PLCL1: variants seen among roughly 807,000 people sequenced by gnomAD.
PLCL1 encodes inactive phospholipase C-like protein 1.
PLCL1 carries 41 observed loss-of-function variants against 84.4 expected under a neutral mutation model. The ratio of observed to expected loss-of-function variants is 0.49; its 90% CI spans 0.38 to 0.63. The LOEUF (loss-of-function observed/expected upper bound fraction) is 0.63. Among genes scored for constraint, PLCL1 ranks in the 30% least tolerant of loss-of-function variants. The pLI is 0.00. For missense variants in PLCL1, 1,206 were observed against 1,367.8 expected (o/e 0.88, Z 1.87); for synonymous variants, 490 against 488.3 (o/e 1.00, Z -0.05).
At chr2:197,943,439 G>A (rs1689202692) in intron 1 of PLCL1, among the ~76,000 whole-genome samples, 1 of 151,874 alleles carries the variant, frequency 6.6e-6, no homozygotes, top group South Asian at 2.1e-4. Context: ...TTTGCTAGAA[G>A]AATCACTTCG....
chr2:198,047,701 A>T (rs1302468882), intron 1 of PLCL1, among the ~76,000 whole-genome samples: 1 of 152,236 alleles, frequency 6.6e-6, no homozygotes, highest in African/African-American at 2.4e-5. Context: ...GGGGCACTAG[A>T]AGCAATTATA....
At chr2:198,127,785 G>A (rs1694023257) in intron 5 of PLCL1, among the ~76,000 whole-genome samples, 1 of 152,142 alleles carries the variant, frequency 6.6e-6, no homozygotes, top group African/African-American at 2.4e-5. Flanking sequence ...GATCATTGGA[G>A]CACAAGCTTT....
intron 5 of PLCL1, among the ~76,000 whole-genome samples, chr2:198,130,575 AG>A (rs1012539313): frequency 2.0e-5 from 3 of 152,208 alleles, no homozygotes; most frequent in African/African-American, 7.2e-5. Context: ...ACTCAGCCAC[AG>A]CAAGGTCGGC....
At chr2:197,882,501 C>T (rs1687847280) in intron 1 of PLCL1, among the ~76,000 whole-genome samples, 1 of 151,982 alleles carries the variant, frequency 6.6e-6, no homozygotes, top group African/African-American at 2.4e-5. Flanking sequence ...GTCTCTTTTC[C>T]TTCTTTCTTT....
chr2:197,892,245 T>C (rs1688044622), intron 1 of PLCL1, among the ~76,000 whole-genome samples: 1 of 151,980 alleles, frequency 6.6e-6, no homozygotes, highest in Admixed American at 6.6e-5. Flanking sequence ...GGTAAGGGAA[T>C]AGGTGGAGAG....
At chr2:198,116,008 TA>T (rs1436491235) in intron 5 of PLCL1, among the ~76,000 whole-genome samples, 1 of 147,934 alleles carries the variant, frequency 6.8e-6, no homozygotes, top group Admixed American at 6.8e-5. Context: ...TAGATACATA[TA>T]AATATATAAA....
intron 1 of PLCL1, among the ~76,000 whole-genome samples, chr2:198,014,731 T>C (rs1191848593): frequency 6.6e-6 from 1 of 152,128 alleles, no homozygotes; most frequent in Non-Finnish European, 1.5e-5. Context: ...GATTCATGGC[T>C]CGGTTCAAGT....
At chr2:198,065,983 T>C in intron 1 of PLCL1, among the ~76,000 whole-genome samples, 1 of 152,206 alleles carries the variant, frequency 6.6e-6, no homozygotes. Context: ...GTCAAATTCC[T>C]AATTATACCA....
intron 1 of PLCL1, among the ~76,000 whole-genome samples, chr2:197,875,005 G>T (rs1240182379): frequency 6.6e-6 from 1 of 152,084 alleles, no homozygotes; most frequent in African/African-American, 2.4e-5. Flanking sequence ...ATATACTCAG[G>T]CCAGGAGCAA....
chr2:197,884,634 T>G (rs536991162), intron 1 of PLCL1, among the ~76,000 whole-genome samples: 33 of 152,316 alleles, frequency 2.2e-4, no homozygotes, highest in African/African-American at 7.9e-4. Context: ...GATAGATAGC[T>G]CACTCTGAAA....
At chr2:197,871,212 GC>G (rs1323987232) in intron 1 of PLCL1, among the ~76,000 whole-genome samples, 2 of 152,030 alleles carry the variant, frequency 1.3e-5, no homozygotes, top group Non-Finnish European at 2.9e-5. Context: ...GATGTGAGGG[GC>G]CTGTACAGTT....
intron 1 of PLCL1, among the ~76,000 whole-genome samples, chr2:197,904,387 T>C (rs1688335315): frequency 6.6e-6 from 1 of 152,224 alleles, no homozygotes. Flanking sequence ...TTTGCAGGGT[T>C]TAAAAAGTCG....
At chr2:198,116,038 A>C (rs1189245372) in intron 5 of PLCL1, among the ~76,000 whole-genome samples, 2 of 148,846 alleles carry the variant, frequency 1.3e-5, no homozygotes, top group East Asian at 3.9e-4. Flanking sequence ...TATATATAAA[A>C]TGTTATGTGT....
At chr2:197,897,917 T>G (rs1241132996) in intron 1 of PLCL1, among the ~76,000 whole-genome samples, 1 of 152,232 alleles carries the variant, frequency 6.6e-6, no homozygotes, top group Admixed American at 6.5e-5. Context: ...CTAGTTTACC[T>G]GAAATCCCAT....
chr2:197,873,018 T>C (rs1687674379), intron 1 of PLCL1, among the ~76,000 whole-genome samples: 1 of 152,146 alleles, frequency 6.6e-6, no homozygotes, highest in Non-Finnish European at 1.5e-5. Flanking sequence ...AAGTATCTTG[T>C]TCAAAGTTTG....
At chr2:197,859,679 T>G (rs1687392845) in intron 1 of PLCL1, among the ~76,000 whole-genome samples, 1 of 152,174 alleles carries the variant, frequency 6.6e-6, no homozygotes, top group African/African-American at 2.4e-5. Context: ...TATGATTAGA[T>G]ACACAAATAC....
intron 5 of PLCL1, among the ~76,000 whole-genome samples, chr2:198,110,210 T>C (rs1185803608): frequency 6.6e-6 from 1 of 151,934 alleles, no homozygotes; most frequent in Non-Finnish European, 1.5e-5. Context: ...GTGCCATGAT[T>C]CTGGGCTGCT....
At chr2:197,897,108 CTTCTTCTTCT>C (rs1688152227) in intron 1 of PLCL1, among the ~76,000 whole-genome samples, 1 of 36,900 alleles carries the variant, frequency 2.7e-5, no homozygotes, top group African/African-American at 1.6e-4. Context: ...CCTTCTTCTT[CTTCTTCTTCT>C]TCTTCTTCTT....
At chr2:198,083,657 A>G (rs1261043491) in intron 1 of PLCL1, 101 bp from the exon 2 acceptor site, 2 of 708,552 alleles carry the variant, frequency 2.8e-6, no homozygotes, top group Non-Finnish European at 4.6e-6. Context: ...TGTTCAAATA[A>G]TCACAATATG....
Sources: allele counts gnomAD v4.1 joint callset (sites outside exome capture counted in the v4.1 genomes callset), GRCh38; gene constraint gnomAD v4.1.1; transcripts MANE v1.5; gene names NCBI Gene and HGNC (gene_info 2026-07-23, HGNC 2026-07-21).